Variants in ST7L observed in about 807,000 individuals in gnomAD.
The protein encoded by ST7L is suppressor of tumorigenicity 7 protein-like.
A neutral mutation model predicts 72.5 loss-of-function variants in ST7L; 57 were observed. That is an observed-to-expected ratio of 0.79 (90% confidence interval 0.64 to 0.98). ST7L has a LOEUF of 0.98. Among genes scored for constraint, ST7L ranks in the 50% least tolerant of loss-of-function variants. The probability of loss-of-function intolerance (pLI) is 0.00; values close to 1 mark genes in which losing one functional copy is unlikely to be tolerated. For missense variants in ST7L, 576 were observed against 672.2 expected, an observed-to-expected ratio of 0.86 and a Z score of 1.58; for synonymous variants, 221 against 240.9, an observed-to-expected ratio of 0.92 and a Z score of 0.77.
chr1:112,571,781 T>C (rs1662197174), intron 11 of ST7L, among the ~76,000 whole-genome samples: 1 of 152,244 alleles, frequency 6.6e-6, no homozygotes, highest in South Asian at 2.1e-4. Flanking sequence ...TTTGTAACTA[T>C]AGACATATCT....
At position 112,578,391 on chromosome 1, in the gene ST7L, T is replaced by C. The variant is rs1663489909; in HGVS notation, c.1096A>G (p.Ile366Val). The C allele has an allele frequency of 1.9e-6, 3 of 1,614,192 alleles. No homozygotes were observed. The highest frequency in any genetic ancestry group is 2.5e-6 in the Non-Finnish European group (3 of 1,180,008). The change falls in exon 10 of 15, where the codon ATC becomes GTC. Residue 366 changes from isoleucine to valine, a missense_variant. By Grantham distance (29) the Ile-to-Val change is conservative. This residue lies in a region of ST7L where 511 missense variants were observed against 600.7 expected (regional missense o/e 0.85). Coordinates refer to ENST00000358039, the MANE Select transcript of ST7L (RefSeq NM_017744.5). ...TTCAACAGTGCTGCTGTGTAACAGA[T>C]TGCTGCTGACTTTGGAAGGCTTATA... ...DDISLPKSAA[I>V]CYTAALLKTR...
chr1:112,527,485 C>T (rs1570831904), intron 14 of ST7L: 1 of 152,820 alleles, frequency 6.5e-6, no homozygotes, highest in African/African-American at 2.4e-5. Flanking sequence ...CATGAGGCCA[C>T]ACACCAGATG....
chr1:112,611,413 T>G (rs1271256496), intron 2 of ST7L, among the ~76,000 whole-genome samples: 1 of 152,222 alleles, frequency 6.6e-6, no homozygotes, highest in Non-Finnish European at 1.5e-5. Context: ...CCCAAATCAG[T>G]CATTTATTAG....
intron 10 of ST7L, 94 bp from the exon 11 acceptor site, chr1:112,577,182 A>G (rs1663236750): frequency 1.4e-6 from 1 of 729,126 alleles, no homozygotes; most frequent in Non-Finnish European, 2.1e-6. Flanking sequence ...GAATCAAAAG[A>G]AGTTTCTGGA....
At chr1:112,556,149 C>T in intron 11 of ST7L, 131 bp from the exon 12 acceptor site, 1 of 669,472 alleles carries the variant, frequency 1.5e-6, no homozygotes, top group Non-Finnish European at 2.2e-6. Flanking sequence ...AAAAAACTAA[C>T]TGAAATGACA....
intron 4 of ST7L, among the ~76,000 whole-genome samples, chr1:112,599,712 A>G (rs1293777815): frequency 1.3e-5 from 2 of 152,202 alleles, no homozygotes; most frequent in Non-Finnish European, 2.9e-5. Flanking sequence ...GAATATGCTG[A>G]CACTGGTAAT....
chr1:112,535,431 A>T (rs1475676175), intron 14 of ST7L, among the ~76,000 whole-genome samples: 3 of 150,512 alleles, frequency 2.0e-5, no homozygotes, highest in Admixed American at 2.0e-4. Context: ...GATGAAGAAG[A>T]AGAAGTACAT....
chr1:112,520,278 A>C, downstream of ST7L: 1 of 1,613,346 alleles, frequency 6.2e-7, no homozygotes, highest in Non-Finnish European at 8.5e-7. Flanking sequence ...TCCCCAACCC[A>C]GGTTCCCTAG....
chr1:112,526,926 A>C (rs1364059847), intron 14 of ST7L: 1 of 152,204 alleles, frequency 6.6e-6, no homozygotes, highest in African/African-American at 2.4e-5. Flanking sequence ...AGCTGATGCA[A>C]GCAATTTGTG....
chr1:112,525,276 G>A lies in ST7L; in HGVS notation c.*737C>T, dbSNP rs1653228578. ...CAGGGATGATCTCCATAAGAGAGAA[G>A]CACTGGAAAAGACCAAGTGGTGGCT... On this transcript the variant is annotated 3_prime_UTR_variant, in exon 15 of 15. Transcript: ENST00000358039. 1 of 152,194 alleles carries A rather than the reference G, an allele frequency of 6.6e-6. No homozygotes were observed. The highest frequency in any genetic ancestry group is 6.5e-5 in the Admixed American group (1 of 15,280). 9.4% of individuals were successfully genotyped at this position (152,194 alleles called of 1,614,324 possible).
chr1:112,526,329 A>T, intron 14 of ST7L: 3 of 462,576 alleles, frequency 6.5e-6, no homozygotes, highest in Non-Finnish European at 7.4e-6. Flanking sequence ...TCCTAATTCT[A>T]CTCCTTTTTT....
intron 2 of ST7L, among the ~76,000 whole-genome samples, chr1:112,614,037 G>C (rs1669481146): frequency 6.6e-6 from 1 of 152,062 alleles, no homozygotes; most frequent in Non-Finnish European, 1.5e-5. Context: ...GCCACAAAAA[G>C]TTTTTTACAA....
intron 14 of ST7L, among the ~76,000 whole-genome samples, chr1:112,536,854 C>T (rs1416493291): frequency 1.3e-5 from 2 of 152,110 alleles, no homozygotes; most frequent in African/African-American, 2.4e-5. Flanking sequence ...CTACAATATG[C>T]GTTCAGTAAA....
intron 6 of ST7L, among the ~76,000 whole-genome samples, chr1:112,584,437 G>T (rs530649823): frequency 1.3e-5 from 2 of 150,776 alleles, no homozygotes; most frequent in East Asian, 3.9e-4. Context: ...AAAGGGGGGA[G>T]AAAAGAAGAT....
At chr1:112,585,524 C>T (rs1425891504) in intron 6 of ST7L, among the ~76,000 whole-genome samples, 6 of 151,986 alleles carry the variant, frequency 3.9e-5, no homozygotes, top group African/African-American at 1.2e-4. Context: ...GGGCGGATCA[C>T]GAGGTCAGGA....
intron 6 of ST7L, among the ~76,000 whole-genome samples, chr1:112,585,798 TATTTC>T (rs1351927569): frequency 3.3e-5 from 5 of 152,178 alleles, no homozygotes; most frequent in African/African-American, 1.2e-4. Context: ...TAATTTCACC[TATTTC>T]TTTTTACTTT....
intron 14 of ST7L, among the ~76,000 whole-genome samples, chr1:112,534,356 G>A (rs1654850710): frequency 6.6e-6 from 1 of 152,122 alleles, no homozygotes; most frequent in Non-Finnish European, 1.5e-5. Flanking sequence ...CTTATCAATT[G>A]TGTAATTTTA....
intron 5 of ST7L, among the ~76,000 whole-genome samples, chr1:112,594,256 T>C (rs1666106354): frequency 6.6e-6 from 1 of 150,978 alleles, no homozygotes; most frequent in Non-Finnish European, 1.5e-5. Context: ...TCCTGAATCT[T>C]ACAAGATGTA....
chr1:112,573,793 C>A (rs763321013), intron 11 of ST7L, among the ~76,000 whole-genome samples: 3 of 151,754 alleles, frequency 2.0e-5, no homozygotes, highest in African/African-American at 7.3e-5. Context: ...CTTTGGGAGG[C>A]TGAGGCGGGC....
Sources: allele counts gnomAD v4.1 joint callset (sites outside exome capture counted in the v4.1 genomes callset), GRCh38; gene constraint gnomAD v4.1.1; regional missense constraint gnomAD v4.1.1; transcripts MANE v1.5; gene names NCBI Gene and HGNC (gene_info 2026-07-23, HGNC 2026-07-21).